The following STOX2 variants were observed in gnomAD, a reference collection of about 807,000 sequenced individuals.
The protein encoded by STOX2 is storkhead box 2, also known as storkhead-box protein 2.
In STOX2, 28 loss-of-function variants were observed where a neutral mutation model predicts 60.9. The ratio of observed to expected loss-of-function variants is 0.46; its 90% CI spans 0.34 to 0.63. The LOEUF (loss-of-function observed/expected upper bound fraction) is 0.63. Ranked by LOEUF, STOX2 falls within the 30% of genes least tolerant of loss-of-function variation. The pLI is 0.01. For missense variants in STOX2, 1,024 were observed against 1,187.7 expected (o/e 0.86, Z 2.03); for synonymous variants, 472 against 463.9 (o/e 1.02, Z -0.22).
At chr4:183,829,454 A>G (rs3948308) in intron 1 of STOX2, among the ~76,000 whole-genome samples, 6 of 152,122 alleles carry the variant, frequency 3.9e-5, no homozygotes, top group Admixed American at 3.9e-4. Flanking sequence ...CAACCCCCAG[A>G]ATCTAGGGTA....
rs1002284492 is a variant in STOX2, at chr4:183,826,907, T to C, written c.364+28852T>C. ...ATCATAATGCAAAAGGCAGTGATAG[T>C]AGTAGCGGTAATGGTAATAATAGTA... On this transcript the variant is annotated intron_variant, in intron 1 of 2. Transcript: ENST00000513034. Among the ~76,000 whole-genome samples, 11 of 152,336 alleles carry C rather than the reference T, an allele frequency of 7.2e-5. No homozygotes were observed. In the Middle Eastern group the frequency reaches 0.01, roughly 141 times the overall value.
intron 1 of STOX2, among the ~76,000 whole-genome samples, chr4:183,850,137 G>C (rs1034671017): frequency 2.0e-5 from 3 of 151,392 alleles, no homozygotes; most frequent in Non-Finnish European, 4.4e-5. Flanking sequence ...CTAATTTTTT[G>C]TATTTTTATA....
At position 184,010,733 on chromosome 4, in the gene STOX2, G is replaced by A. The variant is rs754615667; in HGVS notation, c.1895G>A (p.Gly632Glu). 4 of 1,595,466 alleles carry A rather than the reference G, an allele frequency of 2.5e-6. No individual in the cohort carries two copies. The highest frequency in any genetic ancestry group is 1.7e-5 in the Admixed American group (1 of 57,692). Residue 632 changes from glycine (G) to glutamate (E), a missense_variant, in exon 3 of 4, where the codon GGG becomes GAG. By Grantham distance (98) the Gly-to-Glu change is moderately conservative. This residue lies in a region of STOX2 where 922 missense variants were observed against 1,058.3 expected (regional missense o/e 0.87). Coordinates refer to ENST00000308497, the MANE Select transcript of STOX2 (RefSeq NM_020225.3). This position sits in a 1 kb window ranked among gnomAD's most constrained non-coding sequence, Gnocchi z 4.5. ...CATGACACTCTGACTTTGGCAGAAG[G>A]GGTGAAAAAGCTCTCCCCTTCTGAT... ...EDHDTLTLAE[G>E]VKKLSPSDRQ...
rs571265363 is a variant in STOX2, at chr4:183,853,134, T to C, written c.364+55079T>C. 8.4e-4 allele frequency among the ~76,000 whole-genome samples: 128 copies of C among 152,322 alleles called. 1 individual carries two copies. Among genetic ancestry groups the C allele is most frequent in the South Asian group, 2.3e-3 (11 of 4,818 alleles). On this transcript the variant is annotated intron_variant, in intron 1 of 2. Transcript: ENST00000513034. ...AATTCAAGGTGAAATGAAATCAAAG[T>C]AAGGCATTTCCTCCTTGTTCTGGCA...
chr4:183,836,035 A>AT lies in STOX2; in HGVS notation c.364+37991dup, dbSNP rs548114655. Among the ~76,000 whole-genome samples the AT allele has an allele frequency of 0.1, 15,310 of 146,544 alleles. 820 individuals are homozygous for AT. Among genetic ancestry groups the AT allele is most frequent in the Middle Eastern group, 0.13 (37 of 278 alleles). ...ATCCTCACCAACACTTGTTACTGCC[A>AT]TTTTTTTTTTTATCTGAGCCATCCT... On this transcript the variant is annotated intron_variant, in intron 1 of 2. Coordinates refer to the STOX2 transcript ENST00000513034. The surrounding 1 kb of genome is among the most constrained non-coding windows in gnomAD (Gnocchi z 4.1).
Position 184,023,039 on chromosome 4 carries a change from C to T in STOX2, c.*5755C>T, listed in dbSNP as rs1208404435. On this transcript the variant is annotated 3_prime_UTR_variant, in exon 4 of 4. Transcript: ENST00000308497. Reference sequence around the variant, plus strand: ...TCTGCAGGTATCTTTCTCTGAGTGACTGAATGTGACTATTGCATTAGGGTA... The same window carrying T: ...TCTGCAGGTATCTTTCTCTGAGTGATTGAATGTGACTATTGCATTAGGGTA... 2 of 152,152 alleles carry T rather than the reference C, an allele frequency of 1.3e-5. No individual in the cohort carries two copies. The highest frequency in any genetic ancestry group is 2.9e-5 in the Non-Finnish European group (2 of 68,032). The allele number at this position is 152,152 out of a possible 1,614,324, so 9.4% of individuals were successfully genotyped here. A position where few individuals can be genotyped will look rare whatever the true frequency, so the allele number is the denominator to read the frequency against.
At chr4:183,819,128 C>T (rs1476086348) in intron 1 of STOX2, among the ~76,000 whole-genome samples, 2 of 151,988 alleles carry the variant, frequency 1.3e-5, no homozygotes, top group Non-Finnish European at 2.9e-5. Flanking sequence ...ACGCTCCTCA[C>T]TTCCCAGAGG....
intron 1 of STOX2, among the ~76,000 whole-genome samples, chr4:183,859,809 T>C (rs1028265063): frequency 5.9e-5 from 9 of 152,260 alleles, no homozygotes; most frequent in Admixed American, 2.6e-4. Flanking sequence ...GATTTTTTTT[T>C]CCTATTATAC....
At chr4:183,908,596 T>TG (rs916626961) in intron 1 of STOX2, among the ~76,000 whole-genome samples, 6 of 151,238 alleles carry the variant, frequency 4.0e-5, no homozygotes, top group African/African-American at 1.5e-4. Flanking sequence ...CAGCCAGTTT[T>TG]TTTTTTTTTT....
chr4:184,011,777 T>G lies in STOX2; in HGVS notation c.2585+354T>G. 1 of 516,222 alleles carries G rather than the reference T, an allele frequency of 1.9e-6. No individual in the cohort carries two copies. The highest frequency in any genetic ancestry group is 3.0e-6 in the Non-Finnish European group (1 of 328,498). 32.0% of individuals were successfully genotyped at this position (516,222 alleles called of 1,614,324 possible). ...AAGTCCTTCAAAAATAGTAACTTTTTGAGTAGAATAAATAGTCTGGGGGCG... is the reference window on the plus strand; with the variant it reads ...AAGTCCTTCAAAAATAGTAACTTTTGGAGTAGAATAAATAGTCTGGGGGCG... On this transcript the variant is annotated intron_variant, in intron 3 of 3. Coordinates refer to ENST00000308497, the MANE Select transcript of STOX2 (RefSeq NM_020225.3). The surrounding 1 kb of genome is among the most constrained non-coding windows in gnomAD (Gnocchi z 4.4).
At chr4:183,873,446 C>CA (rs11453864) in intron 1 of STOX2, among the ~76,000 whole-genome samples, 64,215 of 111,958 alleles carry the variant, frequency 0.57, 17,307 homozygotes, top group East Asian at 0.7. Context: ...AACTCTGTCT[C>CA]AAAAAAAAAA....
intron 1 of STOX2, among the ~76,000 whole-genome samples, chr4:183,940,870 A>T (rs4862272): frequency 0.99 from 151,524 of 152,376 alleles, 75,345 homozygotes; most frequent in Middle Eastern, 1. Context: ...TTACAATTAC[A>T]GCATAAAATA....
At chr4:183,916,580 G>A (rs1443204616) in intron 1 of STOX2, among the ~76,000 whole-genome samples, 1 of 152,136 alleles carries the variant, frequency 6.6e-6, no homozygotes, top group Non-Finnish European at 1.5e-5. Context: ...CCCTATGACT[G>A]ATTTTGTCAT....
At chr4:184,002,200 T>C (rs1435252467) in intron 2 of STOX2, among the ~76,000 whole-genome samples, 1 of 152,112 alleles carries the variant, frequency 6.6e-6, no homozygotes, top group East Asian at 1.9e-4. Flanking sequence ...TCCTTAAATA[T>C]TGACAATTGT....
intron 1 of STOX2, among the ~76,000 whole-genome samples, chr4:183,879,906 G>A (rs1182202528): frequency 6.6e-6 from 1 of 152,140 alleles, no homozygotes; most frequent in Non-Finnish European, 1.5e-5. Context: ...CACGTCGGAA[G>A]TCAGAGACCT....
At chr4:183,858,094 C>T (rs1196588750) in intron 1 of STOX2, among the ~76,000 whole-genome samples, 3 of 152,126 alleles carry the variant, frequency 2.0e-5, no homozygotes, top group African/African-American at 7.2e-5. Flanking sequence ...AAGGGCAACC[C>T]CTGGGGAAGT....
intron 1 of STOX2, among the ~76,000 whole-genome samples, chr4:183,919,419 C>G (rs111565510): frequency 0.021 from 3,130 of 152,204 alleles, 47 homozygotes; most frequent in Non-Finnish European, 0.035. Flanking sequence ...GTTCCGCAGT[C>G]GTGGAGTCAG....
At chr4:183,889,524 G>A (rs542818356) in intron 1 of STOX2, among the ~76,000 whole-genome samples, 26 of 152,344 alleles carry the variant, frequency 1.7e-4, no homozygotes, top group African/African-American at 4.3e-4. Context: ...GTGGTGTTTC[G>A]TTACAGCAGC....
intron 1 of STOX2, among the ~76,000 whole-genome samples, chr4:183,834,134 T>TA (rs1291198007): frequency 6.6e-6 from 1 of 152,204 alleles, no homozygotes; most frequent in Non-Finnish European, 1.5e-5. Context: ...ACAGCAGTGT[T>TA]ACTTGCTTCC....
Sources: allele counts gnomAD v4.1 joint callset (sites outside exome capture counted in the v4.1 genomes callset), GRCh38; gene constraint gnomAD v4.1.1; regional missense constraint gnomAD v4.1.1; non-coding constraint Gnocchi (gnomAD v3.1); transcripts MANE v1.5; gene names NCBI Gene and HGNC (gene_info 2026-07-23, HGNC 2026-07-21).